The following EHMT1 variants were observed in gnomAD, a reference collection of about 807,000 sequenced individuals.
EHMT1 encodes euchromatic histone lysine methyltransferase 1, also known as histone-lysine N-methyltransferase EHMT1.
Under a neutral mutation model 147.2 loss-of-function variants are expected in EHMT1, and 15 were observed. The ratio of observed to expected loss-of-function variants is 0.10; its 90% confidence interval spans 0.07 to 0.16. The LOEUF (loss-of-function observed/expected upper bound fraction) is 0.16, where lower values mean the gene tolerates loss of function less well. Ranked by LOEUF, EHMT1 falls within the 10% of genes least tolerant of loss-of-function variation. The probability of loss-of-function intolerance (pLI) is 1.00; values close to 1 mark genes in which losing one functional copy is unlikely to be tolerated. For missense variants in EHMT1, 1,587 were observed against 1,772.4 expected, an observed-to-expected ratio of 0.90 and a Z score of 1.88; for synonymous variants, 795 against 709.6, an observed-to-expected ratio of 1.12 and a Z score of -1.91.
At chr9:137,825,912 G>A (rs892450177) in intron 25 of EHMT1, among the ~76,000 whole-genome samples, 7 of 152,016 alleles carry the variant, frequency 4.6e-5, no homozygotes, top group Non-Finnish European at 7.4e-5. Flanking sequence ...TGCAGGCGTC[G>A]GGATGCTTTT....
chr9:137,684,212 T>C (rs1942225605), intron 1 of EHMT1, among the ~76,000 whole-genome samples: 1 of 152,106 alleles, frequency 6.6e-6, no homozygotes, highest in Non-Finnish European at 1.5e-5. Context: ...TTTGTATTTT[T>C]TGTAGAGACG....
At position 137,743,905 on chromosome 9, in the gene EHMT1, G is replaced by C. The variant is rs538516467; in HGVS notation, c.985G>C (p.Glu329Gln). Reference sequence around the variant, plus strand: ...TATACACCTGCCCGTGTTCTAGGGGGAGAAGGACCTGGGCGCCAGCAGCCT... The same window carrying C: ...TATACACCTGCCCGTGTTCTAGGGGCAGAAGGACCTGGGCGCCAGCAGCCT... ...ITHSTVGSKG[E>Q]KDLGASSLHV... Residue 329 changes from glutamate to glutamine, a missense_variant, in exon 6 of 27, where the codon GAG becomes CAG. Glu to Gln is a conservative substitution (Grantham distance 29, BLOSUM62 2). Around this residue, in one of 7 missense-constraint regions of EHMT1, gnomAD observed 810 missense variants for 673.0 expected, o/e 1.20. Transcript: ENST00000460843. 1.1e-5 allele frequency: 17 copies of C among 1,611,436 alleles called. No homozygotes were observed. In the African/African-American group the frequency reaches 1.9e-4, roughly 18 times the overall value.
intron 14 of EHMT1, among the ~76,000 whole-genome samples, chr9:137,781,872 C>T (rs562572976): frequency 8.5e-4 from 129 of 152,346 alleles, no homozygotes; most frequent in Non-Finnish European, 1.2e-3. Flanking sequence ...CTCCGTTGCT[C>T]ACCGTCCTCT....
rs192210430 is a variant in EHMT1, at chr9:137,729,111, C to T, written c.823+582C>T. Among the ~76,000 whole-genome samples the T allele has an allele frequency of 3.9e-4, 60 of 152,198 alleles. 1 individual carries two copies. Among genetic ancestry groups the T allele is most frequent in the Admixed American group, 1.4e-3 (22 of 15,288 alleles). Reference sequence around the variant, plus strand: ...CAGGGCTCCCTGGGCTTTCAAACCTCCTCAGCTTCTGGGATGGGATGTGTG... The same window carrying T: ...CAGGGCTCCCTGGGCTTTCAAACCTTCTCAGCTTCTGGGATGGGATGTGTG... On this transcript the variant is annotated intron_variant, in intron 4 of 26. Transcript: ENST00000460843.
At chr9:137,673,931 A>G (rs1357020615) in intron 1 of EHMT1, among the ~76,000 whole-genome samples, 1 of 152,198 alleles carries the variant, frequency 6.6e-6, no homozygotes, top group African/African-American at 2.4e-5. Context: ...CTAGGGCTGT[A>G]CTGTTCTCTG....
At chr9:137,751,492 C>A (rs1948964089) in intron 6 of EHMT1, among the ~76,000 whole-genome samples, 1 of 152,142 alleles carries the variant, frequency 6.6e-6, no homozygotes, top group South Asian at 2.1e-4. Context: ...GGGTGCCTGT[C>A]CACCGGGAAA....
At chr9:137,829,116 C>A (rs1588921559) in intron 25 of EHMT1, among the ~76,000 whole-genome samples, 1 of 152,226 alleles carries the variant, frequency 6.6e-6, no homozygotes, top group African/African-American at 2.4e-5. Context: ...TGCCGTGCGC[C>A]CACTGCCACC....
chr9:137,754,940 C>T (rs1230060441), intron 8 of EHMT1, among the ~76,000 whole-genome samples: 1 of 152,194 alleles, frequency 6.6e-6, no homozygotes, highest in East Asian at 1.9e-4. Flanking sequence ...CAGTGAGGCA[C>T]CTGTGCCTCG....
At chr9:137,688,250 C>G (rs1224106526) in intron 1 of EHMT1, among the ~76,000 whole-genome samples, 1 of 152,208 alleles carries the variant, frequency 6.6e-6, no homozygotes, top group Admixed American at 6.5e-5. Flanking sequence ...TCTCGAACTC[C>G]TAACCTCTAG....
intron 1 of EHMT1, among the ~76,000 whole-genome samples, chr9:137,709,992 C>T (rs1384563100): frequency 6.6e-6 from 1 of 152,116 alleles, no homozygotes; most frequent in African/African-American, 2.4e-5. Context: ...GCCCTCTTCC[C>T]CGGCCCCCAG....
At chr9:137,694,122 C>T (rs1354551240) in intron 1 of EHMT1, among the ~76,000 whole-genome samples, 2 of 96,694 alleles carry the variant, frequency 2.1e-5, no homozygotes, top group Non-Finnish European at 4.1e-5. Flanking sequence ...GATACCCCCA[C>T]ACAGTGGCGC....
At chr9:137,822,263 G>C (rs1955476997) in intron 25 of EHMT1, among the ~76,000 whole-genome samples, 1 of 152,214 alleles carries the variant, frequency 6.6e-6, no homozygotes, top group South Asian at 2.1e-4. Context: ...CCTCCCTGCT[G>C]GTTTATGCCT....
At chr9:137,635,014 C>T (rs1187203242) in intron 1 of EHMT1, among the ~76,000 whole-genome samples, 1 of 150,840 alleles carries the variant, frequency 6.6e-6, no homozygotes, top group East Asian at 2.0e-4. Context: ...GCCACTGCGC[C>T]CGGCTGTCAC....
chr9:137,815,422 G>T, intron 22 of EHMT1: 1 of 209,694 alleles, frequency 4.8e-6, no homozygotes, highest in South Asian at 8.6e-5. Context: ...GTGTGCCTGG[G>T]CAGCCCTGGG....
intron 6 of EHMT1, chr9:137,745,336 A>G (rs770195889): frequency 2.7e-4 from 106 of 386,364 alleles, no homozygotes; most frequent in Non-Finnish European, 2.9e-4. Context: ...TTTTAGGGCA[A>G]ATTTTTGAAT....
intron 17 of EHMT1, among the ~76,000 whole-genome samples, chr9:137,799,783 G>C (rs1953294516): frequency 6.6e-6 from 1 of 152,364 alleles, no homozygotes; most frequent in South Asian, 2.1e-4. Flanking sequence ...GCTGGAAGCA[G>C]CAGCGTCTGT....
chr9:137,679,491 G>C (rs764799237), intron 1 of EHMT1, among the ~76,000 whole-genome samples: 3 of 152,090 alleles, frequency 2.0e-5, no homozygotes, highest in African/African-American at 7.2e-5. Context: ...AGTTCCCTTT[G>C]TTTTCTGTGT....
chr9:137,649,457 C>CACAA (rs1406110415), intron 1 of EHMT1, among the ~76,000 whole-genome samples: 1 of 129,408 alleles, frequency 7.7e-6, no homozygotes. Context: ...GAGACTCCGA[C>CACAA]TCAAACAAAC....
chr9:137,709,910 A>G (rs1185184687), intron 1 of EHMT1, among the ~76,000 whole-genome samples: 1 of 151,796 alleles, frequency 6.6e-6, no homozygotes, highest in Admixed American at 6.6e-5. Flanking sequence ...GTATCACATC[A>G]CCAGGTGTGG....
Sources: allele counts gnomAD v4.1 joint callset (sites outside exome capture counted in the v4.1 genomes callset), GRCh38; gene constraint gnomAD v4.1.1; regional missense constraint gnomAD v4.1.1; transcripts MANE v1.5; gene names NCBI Gene and HGNC (gene_info 2026-07-23, HGNC 2026-07-21).